FSHR: variants seen among roughly 807,000 people sequenced by gnomAD.
FSHR encodes the protein follicle stimulating hormone receptor.
In FSHR, 46 loss-of-function variants were observed where a neutral mutation model predicts 52.1. That is an observed-to-expected ratio of 0.88 (90% CI 0.70 to 1.13). The LOEUF (loss-of-function observed/expected upper bound fraction) is 1.13, where lower values mean the gene tolerates loss of function less well. FSHR is among the 50% of genes most tolerant of loss of function. The pLI, the probability that FSHR is intolerant of heterozygous loss-of-function variation, is 0.00. For missense variants in FSHR, 964 were observed against 834.6 expected (o/e 1.16, Z -1.91); for synonymous variants, 399 against 309.6 (o/e 1.29, Z -3.03).
intron 4 of FSHR, among the ~76,000 whole-genome samples, chr2:49,016,327 A>G (rs989028240): frequency 2.0e-5 from 3 of 152,156 alleles, no homozygotes; most frequent in African/African-American, 7.2e-5. Context: ...TCCCATCAAG[A>G]AGTAGCATCT....
chr2:49,153,471 C>A (rs1437463560), intron 1 of FSHR, among the ~76,000 whole-genome samples: 2 of 152,054 alleles, frequency 1.3e-5, no homozygotes, highest in African/African-American at 4.8e-5. Context: ...AGTCAAAAGG[C>A]CCGATTTCTA....
chr2:48,965,347 CTCT>C (rs1325842116), intron 9 of FSHR, among the ~76,000 whole-genome samples: 1 of 152,168 alleles, frequency 6.6e-6, no homozygotes, highest in Non-Finnish European at 1.5e-5. Context: ...AAGTCATTTT[CTCT>C]TGGCCTAAGG....
chr2:49,083,956 G>C (rs982838569), intron 1 of FSHR, among the ~76,000 whole-genome samples: 27 of 151,758 alleles, frequency 1.8e-4, no homozygotes, highest in Non-Finnish European at 2.9e-4. Flanking sequence ...AGTCAAAAAG[G>C]ATACCCAGGA....
intron 1 of FSHR, among the ~76,000 whole-genome samples, chr2:49,075,844 T>G (rs1010526647): frequency 6.6e-6 from 1 of 152,136 alleles, no homozygotes; most frequent in Non-Finnish European, 1.5e-5. Flanking sequence ...TTTACCATAT[T>G]GCCCAGGCTG....
intron 1 of FSHR, among the ~76,000 whole-genome samples, chr2:49,091,921 C>T (rs1670626156): frequency 6.6e-6 from 1 of 152,112 alleles, no homozygotes; most frequent in Admixed American, 6.5e-5. Flanking sequence ...AAAAATCCTT[C>T]AGGGATTTTG....
At chr2:49,044,822 A>G (rs1558408180) in intron 2 of FSHR, among the ~76,000 whole-genome samples, 1 of 152,164 alleles carries the variant, frequency 6.6e-6, no homozygotes, top group African/African-American at 2.4e-5. Flanking sequence ...GGCTATATTT[A>G]GACTTGTGCT....
rs531783549 is a variant in FSHR at position 49,133,632 on chromosome 2, C to G, written c.152+20634G>C. 1.2e-4 allele frequency among the ~76,000 whole-genome samples: 19 copies of G among 152,232 alleles called. No individual in the cohort carries two copies. In the South Asian group the frequency reaches 3.7e-3, roughly 30 times the overall value. ...CCAAAACAATCCTAAGCAAAAGGAA[C>G]AAAGCTGGAGGCATCACACTACCTG... On this transcript the variant is annotated intron_variant, in intron 1 of 9. Transcript: ENST00000406846.
At position 48,963,363 on chromosome 2, in the gene FSHR, A is replaced by C. The variant is rs141624278; in HGVS notation, c.1458T>G (p.Ala486=). ...TCCAGCCCATCACCATGACACTGGC[A>C]GCATGGCGGAGCTGCACCTTGCAGT... ...QLDCKVQLRH[A]ASVMVMGWIF... The change falls in exon 10 of 10, where the codon GCT becomes GCG. Residue 486 remains alanine (A), a synonymous_variant. Coordinates refer to ENST00000406846, the MANE Select transcript of FSHR (RefSeq NM_000145.4). 1.2e-6 allele frequency: 2 copies of C among 1,613,940 alleles called. No homozygotes were observed. The highest frequency in any genetic ancestry group is 2.2e-5 in the East Asian group (1 of 44,860).
chr2:49,129,067 T>C lies in FSHR; in HGVS notation c.152+25199A>G, dbSNP rs547884342. Among the ~76,000 whole-genome samples, 17 of 151,984 alleles carry C rather than the reference T, an allele frequency of 1.1e-4. No individual in the cohort carries two copies. The East Asian group carries it at 3.1e-3, about 28-fold the overall frequency. ...TTCTTGTTTTTTTTTTTTTCAGTTA[T>C]ATGTTTCAAATTCATTTAAAATTTA... On this transcript the variant is annotated intron_variant, in intron 1 of 9. Transcript: ENST00000406846.
At chr2:48,977,994 A>T (rs1055154100) in intron 8 of FSHR, among the ~76,000 whole-genome samples, 2 of 152,296 alleles carry the variant, frequency 1.3e-5, no homozygotes, top group Non-Finnish European at 2.9e-5. Context: ...CTATATTCAG[A>T]TAGTGAGTAG....
intron 1 of FSHR, among the ~76,000 whole-genome samples, chr2:49,074,010 C>A (rs1030235614): frequency 2.0e-5 from 3 of 151,982 alleles, no homozygotes; most frequent in Non-Finnish European, 4.4e-5. Context: ...AACTATACTT[C>A]CACCTCTCAT....
intron 4 of FSHR, among the ~76,000 whole-genome samples, chr2:49,008,930 C>T (rs1667168366): frequency 6.6e-6 from 1 of 152,152 alleles, no homozygotes; most frequent in African/African-American, 2.4e-5. Flanking sequence ...GATACTAGCC[C>T]TTTGTCAGAT....
intron 6 of FSHR, among the ~76,000 whole-genome samples, chr2:48,984,213 C>T (rs755639590): frequency 6.6e-6 from 1 of 152,090 alleles, no homozygotes; most frequent in Non-Finnish European, 1.5e-5. Context: ...TCTTGAAAAC[C>T]AATTACCTAA....
At chr2:48,977,430 G>T (rs1383833849) in intron 8 of FSHR, among the ~76,000 whole-genome samples, 11 of 152,126 alleles carry the variant, frequency 7.2e-5, no homozygotes, top group Non-Finnish European at 2.9e-5. Flanking sequence ...GCATATGGTG[G>T]GTGTTCAATA....
rs552905188 is a variant in FSHR at position 49,014,455 on chromosome 2, AGGCAT to A, written c.374+3029_374+3033del. On this transcript the variant is annotated intron_variant, in intron 4 of 9. Transcript: ENST00000406846. Reference sequence around the variant, plus strand: ...AGATTTCAGCCTTTTTCAGAGGCAAAGGCATAGCTCTGTTTCCTCTGTTCTCCCTC... The same window carrying A: ...AGATTTCAGCCTTTTTCAGAGGCAAAAGCTCTGTTTCCTCTGTTCTCCCTC... 2.6e-3 allele frequency among the ~76,000 whole-genome samples: 399 copies of A among 152,210 alleles called. 1 individual carries two copies. Among genetic ancestry groups the A allele is most frequent in the African/African-American group, 9.3e-3 (387 of 41,544 alleles).
intron 6 of FSHR, 76 bp downstream of exon 6, chr2:48,988,901 G>T: frequency 2.5e-6 from 3 of 1,221,572 alleles, no homozygotes; most frequent in Non-Finnish European, 2.4e-6. Context: ...CAAAAAAGGA[G>T]CATCCAATTA....
At position 49,083,149 on chromosome 2, in the gene FSHR, G is replaced by A. The variant is rs1381971847; in HGVS notation, c.153-14859C>T. Among the ~76,000 whole-genome samples, 145 of 151,764 alleles carry A rather than the reference G, an allele frequency of 9.6e-4. 2 individuals are homozygous for A. Among genetic ancestry groups the A allele is most frequent in the African/African-American group, 3.0e-3 (126 of 41,340 alleles). On this transcript the variant is annotated intron_variant, in intron 1 of 9. Coordinates refer to ENST00000406846, the MANE Select transcript of FSHR (RefSeq NM_000145.4). Reference sequence around the variant, plus strand: ...CCATCAGACTAACAGCAGATCTCTCGGCAGAAACTCTACAAGCCAGAAGAG... The same window carrying A: ...CCATCAGACTAACAGCAGATCTCTCAGCAGAAACTCTACAAGCCAGAAGAG...
intron 2 of FSHR, among the ~76,000 whole-genome samples, chr2:49,051,797 TC>T (rs1262195284): frequency 1.3e-5 from 2 of 151,526 alleles, no homozygotes; most frequent in African/African-American, 4.9e-5. Context: ...AAAATATTTT[TC>T]TCCTAACAGT....
chr2:49,069,898 T>C (rs187520877), intron 1 of FSHR, among the ~76,000 whole-genome samples: 9 of 152,322 alleles, frequency 5.9e-5, no homozygotes, highest in Admixed American at 5.2e-4. Flanking sequence ...GATAGTTTCA[T>C]AAATATTTTA....
Sources: gnomAD v4.1 joint callset for allele counts (sites outside exome capture counted in the v4.1 genomes callset) on GRCh38, gnomAD v4.1.1 for gene constraint, MANE v1.5 for transcripts, NCBI Gene and HGNC (gene_info 2026-07-23, HGNC 2026-07-21) for gene names.